PRKCH: variants seen among roughly 807,000 people sequenced by gnomAD.
The protein encoded by PRKCH is protein kinase C eta, also known as protein kinase C eta type.
PRKCH carries 28 observed loss-of-function variants against 82.5 expected under a neutral mutation model. The observed-to-expected ratio is 0.34, with a 90% CI of 0.25 to 0.47. The LOEUF (loss-of-function observed/expected upper bound fraction) is 0.47. Among genes scored for constraint, PRKCH ranks in the 20% least tolerant of loss-of-function variants. The pLI is 1.00. For synonymous variants in PRKCH, 322 were observed against 327.4 expected, an observed-to-expected ratio of 0.98 and a Z score of 0.18; for missense variants, 705 against 881.8, an observed-to-expected ratio of 0.80 and a Z score of 2.54.
At chr14:61,458,419 T>A (rs1018390403) in intron 9 of PRKCH, among the ~76,000 whole-genome samples, 1 of 152,212 alleles carries the variant, frequency 6.6e-6, no homozygotes, top group African/African-American at 2.4e-5. Context: ...TGTCTTTCCC[T>A]TGGGGTCCCA....
intron 2 of PRKCH, among the ~76,000 whole-genome samples, chr14:61,429,029 A>T (rs544481846): frequency 3.3e-5 from 5 of 152,338 alleles, no homozygotes; most frequent in African/African-American, 1.2e-4. Context: ...GCCAAAGGTT[A>T]AAAATAAGTT....
At chr14:61,547,402 G>A (rs2043271560) in intron 12 of PRKCH, among the ~76,000 whole-genome samples, 1 of 152,048 alleles carries the variant, frequency 6.6e-6, no homozygotes, top group Admixed American at 6.6e-5. Context: ...GCCCACAACT[G>A]CAGTGTTGGG....
At chr14:61,262,408 C>T (rs74529601) in intron 1 of PRKCH, among the ~76,000 whole-genome samples, 10,062 of 151,742 alleles carry the variant, frequency 0.066, 397 homozygotes, top group East Asian at 0.14. Flanking sequence ...AAAAGCATTG[C>T]GGGGATCAAA....
intron 1 of PRKCH, among the ~76,000 whole-genome samples, chr14:61,221,914 C>A (rs1241153472): frequency 6.6e-6 from 1 of 152,094 alleles, no homozygotes; most frequent in East Asian, 1.9e-4. Flanking sequence ...TAAAAGGCAG[C>A]CTGGGAGAAT....
chr14:61,523,472 A>C (rs2042929960), intron 10 of PRKCH, among the ~76,000 whole-genome samples: 1 of 152,204 alleles, frequency 6.6e-6, no homozygotes, highest in Non-Finnish European at 1.5e-5. Flanking sequence ...TCACAAGCCC[A>C]GGCCTTGGAG....
intron 9 of PRKCH, among the ~76,000 whole-genome samples, chr14:61,477,438 C>T (rs1594747800): frequency 6.6e-6 from 1 of 152,178 alleles, no homozygotes; most frequent in South Asian, 2.1e-4. Flanking sequence ...CAAATGCAGT[C>T]TTTAAATCAT....
At chr14:61,480,355 C>G (rs1226252984) in intron 9 of PRKCH, among the ~76,000 whole-genome samples, 1 of 152,138 alleles carries the variant, frequency 6.6e-6, no homozygotes, top group African/African-American at 2.4e-5. Flanking sequence ...ATTTGTGAAG[C>G]ATGATTTGGT....
intron 10 of PRKCH, among the ~76,000 whole-genome samples, chr14:61,521,573 AT>A (rs146939937): frequency 0.011 from 1,549 of 147,356 alleles, 25 homozygotes; most frequent in African/African-American, 0.034. Flanking sequence ...TATTTTATTA[AT>A]TTTTTTTTTT....
chr14:61,459,868 A>T (rs1884950807), intron 9 of PRKCH, among the ~76,000 whole-genome samples: 1 of 152,172 alleles, frequency 6.6e-6, no homozygotes, highest in Non-Finnish European at 1.5e-5. Flanking sequence ...ATTTTTTGAG[A>T]CAGGGTCTCA....
At chr14:61,296,907 T>G (rs72725886) in intron 1 of PRKCH, among the ~76,000 whole-genome samples, 8,129 of 152,258 alleles carry the variant, frequency 0.053, 369 homozygotes, top group Non-Finnish European at 0.076. Context: ...TAACATGTGA[T>G]CTGTAGTTAT....
In PRKCH at chr14:61,457,585, A is replaced by T; in HGVS notation, c.1184A>T (p.Asp395Val). 1 of 1,614,122 alleles carries T rather than the reference A, an allele frequency of 6.2e-7. No individual in the cohort carries two copies. The highest frequency in any genetic ancestry group is 8.5e-7 in the Non-Finnish European group (1 of 1,180,008). ...VLKKDVILQD[D>V]DVECTMTEKR... ...AAGAAGGACGTGATTCTGCAGGATG[A>T]TGATGTGGAATGCACCATGACCGAG... is the stretch of plus-strand genomic sequence containing the variant. Residue 395 changes from aspartate (D) to valine (V), a missense_variant, in exon 9 of 14, where the codon GAT (aspartate) becomes GTT (valine). Asp to Val is a radical substitution (Grantham distance 152). Transcript: ENST00000332981.
intron 6 of PRKCH, 104 bp downstream of exon 6, chr14:61,451,075 AGATATGTT>A: frequency 7.4e-7 from 1 of 1,353,000 alleles, no homozygotes; most frequent in Non-Finnish European, 9.9e-7. Context: ...TGATGGTTTT[AGATATGTT>A]GTAAATCAAC....
At chr14:61,509,562 CAG>C (rs2139969770) in intron 10 of PRKCH, among the ~76,000 whole-genome samples, 1 of 152,112 alleles carries the variant, frequency 6.6e-6, no homozygotes, top group East Asian at 1.9e-4. Context: ...GAAATGCAAA[CAG>C]AATACAGTGG....
chr14:61,467,824 A>G (rs761536603), intron 9 of PRKCH, among the ~76,000 whole-genome samples: 5 of 152,208 alleles, frequency 3.3e-5, no homozygotes, highest in African/African-American at 4.8e-5. Context: ...TAAACTGCAC[A>G]TTGGCATTCC....
intron 10 of PRKCH, among the ~76,000 whole-genome samples, chr14:61,489,303 G>A (rs543097325): frequency 2.8e-4 from 42 of 152,268 alleles, no homozygotes; most frequent in African/African-American, 9.2e-4. Context: ...GGGAGGGGAG[G>A]GAGAGAGGTG....
intron 1 of PRKCH, among the ~76,000 whole-genome samples, chr14:61,228,665 A>C (rs2044716635): frequency 6.6e-6 from 1 of 152,172 alleles, no homozygotes; most frequent in African/African-American, 2.4e-5. Context: ...GAGTTCATCA[A>C]ACCTTTTCTA....
At chr14:61,202,209 C>G (rs1197198697) in intron 1 of PRKCH, among the ~76,000 whole-genome samples, 1 of 152,178 alleles carries the variant, frequency 6.6e-6, no homozygotes, top group Non-Finnish European at 1.5e-5. Context: ...TATCTGAATG[C>G]TATTACACGC....
chr14:61,199,047 GA>G (rs1452421016), intron 1 of PRKCH, among the ~76,000 whole-genome samples: 2 of 152,110 alleles, frequency 1.3e-5, no homozygotes, highest in Non-Finnish European at 2.9e-5. Context: ...GCAATTATCT[GA>G]AAGGAAACTG....
intron 2 of PRKCH, among the ~76,000 whole-genome samples, chr14:61,394,742 A>G (rs74054801): frequency 0.012 from 1,815 of 152,318 alleles, 43 homozygotes; most frequent in African/African-American, 0.042. Flanking sequence ...AAGTCATACT[A>G]GAGGTGAGTT....
Sources: allele counts gnomAD v4.1 joint callset (sites outside exome capture counted in the v4.1 genomes callset), GRCh38; gene constraint gnomAD v4.1.1; transcripts MANE v1.5; gene names NCBI Gene and HGNC (gene_info 2026-07-23, HGNC 2026-07-21).